The following HCN1 variants were observed in gnomAD, a reference collection of about 807,000 sequenced individuals.
HCN1 encodes the protein hyperpolarization activated cyclic nucleotide gated potassium channel 1.
In HCN1, 13 loss-of-function variants were observed where a neutral mutation model predicts 78.9. That is an observed-to-expected ratio of 0.16 (90% CI 0.11 to 0.26). The LOEUF is 0.26. Among genes scored for constraint, HCN1 ranks in the 10% least tolerant of loss-of-function variants. The probability of loss-of-function intolerance (pLI) is 1.00; values close to 1 mark genes in which losing one functional copy is unlikely to be tolerated. For synonymous variants in HCN1, 552 were observed against 455.5 expected, an observed-to-expected ratio of 1.21 and a Z score of -2.70; for missense variants, 810 against 1,154.3, an observed-to-expected ratio of 0.70 and a Z score of 4.32.
At chr5:45,264,188 T>C (rs1744808493) in intron 7 of HCN1, among the ~76,000 whole-genome samples, 1 of 152,184 alleles carries the variant, frequency 6.6e-6, no homozygotes, top group Admixed American at 6.5e-5. Context: ...GCATAGTGCA[T>C]TGCAGGCTCT....
At chr5:45,469,784 A>AGTGTGT (rs148412684) in intron 2 of HCN1, among the ~76,000 whole-genome samples, 3 of 148,656 alleles carry the variant, frequency 2.0e-5, no homozygotes, top group Non-Finnish European at 3.0e-5. Flanking sequence ...ATTATAAAGG[A>AGTGTGT]GTGTGTGTGT....
chr5:45,683,610 G>C (rs1296982223), intron 1 of HCN1, among the ~76,000 whole-genome samples: 1 of 151,100 alleles, frequency 6.6e-6, no homozygotes, highest in African/African-American at 2.4e-5. Flanking sequence ...TCCCTCTCAA[G>C]GAAACTCCTT....
At chr5:45,410,374 G>T (rs1360073677) in intron 3 of HCN1, among the ~76,000 whole-genome samples, 1 of 151,896 alleles carries the variant, frequency 6.6e-6, no homozygotes, top group East Asian at 1.9e-4. Flanking sequence ...GATCTGTACT[G>T]TCCAATATTT....
intron 2 of HCN1, among the ~76,000 whole-genome samples, chr5:45,592,887 T>C (rs966529338): frequency 6.6e-6 from 1 of 152,192 alleles, no homozygotes; most frequent in African/African-American, 2.4e-5. Context: ...CTAGATAACT[T>C]CACTTAGGAA....
At chr5:45,652,905 G>C (rs769323670) in intron 1 of HCN1, among the ~76,000 whole-genome samples, 1 of 151,656 alleles carries the variant, frequency 6.6e-6, no homozygotes, top group Non-Finnish European at 1.5e-5. Flanking sequence ...TTTTCATTTT[G>C]TTCCATTGTC....
intron 2 of HCN1, among the ~76,000 whole-genome samples, chr5:45,557,371 A>G (rs1361484766): frequency 6.6e-6 from 1 of 152,128 alleles, no homozygotes; most frequent in African/African-American, 2.4e-5. Context: ...CTGCTTTTGT[A>G]GTGCTGCTGA....
At chr5:45,689,289 A>T (rs934911972) in intron 1 of HCN1, among the ~76,000 whole-genome samples, 2 of 152,104 alleles carry the variant, frequency 1.3e-5, no homozygotes, top group Admixed American at 6.6e-5. Flanking sequence ...CCTGAAGTTA[A>T]AATAAAAGTT....
chr5:45,503,697 G>A (rs947998017), intron 2 of HCN1, among the ~76,000 whole-genome samples: 14 of 151,866 alleles, frequency 9.2e-5, no homozygotes, highest in African/African-American at 2.4e-4. Flanking sequence ...CATATGGGGC[G>A]GTGAGTTTTT....
intron 5 of HCN1, among the ~76,000 whole-genome samples, chr5:45,349,088 C>T (rs1183736257): frequency 3.9e-5 from 6 of 152,090 alleles, no homozygotes; most frequent in African/African-American, 1.4e-4. Context: ...CAGCACCACA[C>T]CACACCTCTT....
intron 1 of HCN1, among the ~76,000 whole-genome samples, chr5:45,661,371 A>AC (rs1433754960): frequency 2.7e-5 from 4 of 150,898 alleles, no homozygotes; most frequent in Non-Finnish European, 4.4e-5. Flanking sequence ...CAAAATCGAC[A>AC]CCCTAACATC....
intron 6 of HCN1, among the ~76,000 whole-genome samples, chr5:45,299,842 C>A (rs910892006): frequency 1.3e-5 from 2 of 151,968 alleles, no homozygotes; most frequent in Non-Finnish European, 2.9e-5. Context: ...CCAAAGTCAT[C>A]TAGGGGATCA....
chr5:45,585,936 C>T (rs542856836), intron 2 of HCN1, among the ~76,000 whole-genome samples: 3 of 152,338 alleles, frequency 2.0e-5, no homozygotes, highest in Admixed American at 1.3e-4. Context: ...TCTGCCCCTA[C>T]TGGTGGGTGC....
intron 2 of HCN1, among the ~76,000 whole-genome samples, chr5:45,618,939 G>A (rs934868214): frequency 3.3e-5 from 5 of 152,002 alleles, no homozygotes; most frequent in East Asian, 1.9e-4. Context: ...CATTCGGTGG[G>A]GAGTTAAACA....
intron 3 of HCN1, among the ~76,000 whole-genome samples, chr5:45,411,924 T>A (rs1053383106): frequency 6.6e-6 from 1 of 152,078 alleles, no homozygotes; most frequent in Non-Finnish European, 1.5e-5. Flanking sequence ...GAAGAGTGAA[T>A]TATAATTTAA....
intron 7 of HCN1, 55 bp downstream of exon 7, chr5:45,267,034 C>G (rs184293907): frequency 6.9e-7 from 1 of 1,445,730 alleles, no homozygotes; most frequent in Admixed American, 1.7e-5. Context: ...AATTGCAAAC[C>G]TGTATTATGC....
intron 2 of HCN1, among the ~76,000 whole-genome samples, chr5:45,565,462 G>A (rs571275751): frequency 6.6e-6 from 1 of 152,218 alleles, no homozygotes; most frequent in South Asian, 2.1e-4. Context: ...CTGTGCCCTT[G>A]GGTAGTTATA....
intron 1 of HCN1, among the ~76,000 whole-genome samples, chr5:45,679,628 C>T (rs1187255738): frequency 6.6e-6 from 1 of 151,956 alleles, no homozygotes; most frequent in African/African-American, 2.4e-5. Flanking sequence ...CATCTCAAGT[C>T]TAGTTATTGA....
chr5:45,472,238 G>A (rs1284772163), intron 2 of HCN1, among the ~76,000 whole-genome samples: 3 of 151,752 alleles, frequency 2.0e-5, no homozygotes, highest in Non-Finnish European at 4.4e-5. Flanking sequence ...TCCATTTTCT[G>A]ACTGATGACC....
At chr5:45,570,356 A>G (rs1743800059) in intron 2 of HCN1, among the ~76,000 whole-genome samples, 1 of 152,112 alleles carries the variant, frequency 6.6e-6, no homozygotes, top group Non-Finnish European at 1.5e-5. Flanking sequence ...CATGGAATCT[A>G]CTGACACATT....
Sources: gnomAD v4.1 joint callset for allele counts (sites outside exome capture counted in the v4.1 genomes callset) on GRCh38, gnomAD v4.1.1 for gene constraint, MANE v1.5 for transcripts, NCBI Gene and HGNC (gene_info 2026-07-23, HGNC 2026-07-21) for gene names.